TTC16: variants seen among roughly 807,000 people sequenced by gnomAD.
TTC16 encodes the protein tetratricopeptide repeat protein 16.
TTC16 carries 66 observed loss-of-function variants against 80.4 expected under a neutral mutation model. That is an observed-to-expected ratio of 0.82 (90% CI 0.67 to 1.01). The LOEUF (loss-of-function observed/expected upper bound fraction) is 1.01, where lower values mean the gene tolerates loss of function less well. Ranked by LOEUF, TTC16 falls within the 50% of genes least tolerant of loss-of-function variation. TTC16 has a pLI of 0.00. For missense variants in TTC16, 1,070 were observed against 1,103.2 expected (o/e 0.97, Z 0.43); for synonymous variants, 438 against 451.3 (o/e 0.97, Z 0.37).
intron 7 of TTC16, 146 bp from the exon 8 acceptor site, chr9:127,723,974 A>T: frequency 8.4e-7 from 1 of 1,187,734 alleles, no homozygotes; most frequent in Non-Finnish European, 1.1e-6. Context: ...CCCACGGGAC[A>T]AACCTAGCAA....
At chr9:127,716,332 C>G (rs1343844923) in intron 1 of TTC16, 169 bp downstream of exon 1, 2 of 1,008,822 alleles carry the variant, frequency 2.0e-6, no homozygotes, top group African/African-American at 3.2e-5. Flanking sequence ...CCTTGTAAGG[C>G]TCGGCGGCTG....
At chr9:127,724,939 AGGGCAGGGC>A in intron 9 of TTC16, 42 bp downstream of exon 9, 3 of 1,450,866 alleles carry the variant, frequency 2.1e-6, no homozygotes, top group Non-Finnish European at 2.7e-6. Context: ...GGCAGGCCCG[AGGGCAGGGC>A]GGGCAGGAGG....
intron 13 of TTC16, 74 bp from the exon 14 acceptor site, chr9:127,730,562 G>A (rs1213892829): frequency 1.1e-4 from 163 of 1,545,680 alleles, no homozygotes; most frequent in Non-Finnish European, 1.3e-4. Context: ...GTGAGATTGG[G>A]AAGCCCCTTT....
In TTC16 at chr9:127,731,215, C is replaced by T; in HGVS notation, c.2432C>T (p.Ser811Leu). 1 of 1,612,758 alleles carries T rather than the reference C, an allele frequency of 6.2e-7. No individual in the cohort carries two copies. Among genetic ancestry groups the T allele is most frequent in the Non-Finnish European group, 8.5e-7 (1 of 1,179,838 alleles). The change falls in exon 14 of 14, where the codon TCA (serine) becomes TTA (leucine). Residue 811 changes from serine to leucine, a missense_variant. Coordinates refer to ENST00000373289, the MANE Select transcript of TTC16 (RefSeq NM_144965.3). Reference sequence around the variant, plus strand: ...ACCAAGACTGAGGCTTTCTATGACTCAAACTGGAGCCTCAGCAAAACTGAG... The same window carrying T: ...ACCAAGACTGAGGCTTTCTATGACTTAAACTGGAGCCTCAGCAAAACTGAG... Reference protein sequence around the residue: ...SSTKTEAFYDSNWSLSKTEYA... With the variant: ...SSTKTEAFYDLNWSLSKTEYA...
chr9:127,727,611 T>A, intron 12 of TTC16, 146 bp downstream of exon 12: 1 of 1,408,656 alleles, frequency 7.1e-7, no homozygotes, highest in Non-Finnish European at 9.3e-7. Context: ...GCTGGGGACA[T>A]CTTGCTATGA....
rs773255755 is a variant in TTC16 at position 127,724,180 on chromosome 9, G to C, written c.933G>C (p.Val311=). 5.0e-6 allele frequency: 8 copies of C among 1,613,184 alleles called. No individual in the cohort carries two copies. In the African/African-American group the frequency reaches 1.1e-4, roughly 22 times the overall value. The stretch of plus-strand genomic sequence containing the variant: ...GGGCAGTGGAGGACTTCCTGAAGGT[G>C]CTGGACATGGTGACCGAGGACCAGG... ...FDGAVEDFLK[V]LDMVTEDQED... Residue 311 remains valine (V), a synonymous_variant, in exon 8 of 14, where the codon GTG becomes GTC. Transcript: ENST00000373289.
rs750287049 is a variant in TTC16, at chr9:127,729,596, C to T, written c.1780C>T (p.Leu594Phe). The change falls in exon 13 of 14, where the codon CTC becomes TTC. Residue 594 changes from leucine (L) to phenylalanine (F), a missense_variant. Transcript: ENST00000373289. ...CTTGCCATAGGAGAAAAAATCAGAG[C>T]TCATACCTAGCAAGGTGGCGTCCCT... Reference protein sequence around the residue: ...KEKKEEKKSELIPSKVASLSD... With the variant: ...KEKKEEKKSEFIPSKVASLSD... 1.2e-6 allele frequency: 2 copies of T among 1,613,742 alleles called. No individual in the cohort carries two copies. Among genetic ancestry groups the T allele is most frequent in the African/African-American group, 1.3e-5 (1 of 74,940 alleles).
rs766141449 is a variant in TTC16, at chr9:127,724,725, GGGTC to G, written c.1118-30_1118-27del. The G allele has an allele frequency of 1.8e-5, 28 of 1,597,630 alleles. No individual in the cohort carries two copies. In the South Asian group the frequency reaches 3.1e-4, roughly 18 times the overall value. The stretch of plus-strand genomic sequence containing the variant: ...GGGGCTCCCGGGCACTGGGAGTTGG[GGGTC>G]CACTCACCCCCGCCTCCGGACCCTA... On this transcript the variant is annotated intron_variant, in intron 8 of 13. Coordinates refer to ENST00000373289, the MANE Select transcript of TTC16 (RefSeq NM_144965.3).
rs1844361342 is a variant in TTC16 at position 127,730,876 on chromosome 9, C to G, written c.2093C>G (p.Thr698Ser). Reference protein sequence around the residue: ...TQSQRRNSSKTKATIHKRNSS... With the variant: ...TQSQRRNSSKSKATIHKRNSS... ...AGCCAGAGGCGGAACTCCAGCAAGA[C>G]CAAGGCCACTATACACAAGAGGAAC... Residue 698 changes from threonine (T) to serine (S), a missense_variant, in exon 14 of 14, where the codon ACC (threonine) becomes AGC (serine). Transcript: ENST00000373289. 6.2e-7 allele frequency: 1 copy of G among 1,611,694 alleles called. No individual in the cohort carries two copies. The highest frequency in any genetic ancestry group is 1.4e-5 in the African/African-American group (1 of 74,056).
At chr9:127,725,273 C>G (rs374793967) in intron 9 of TTC16, among the ~76,000 whole-genome samples, 1 of 148,152 alleles carries the variant, frequency 6.7e-6, no homozygotes, top group African/African-American at 2.5e-5. Context: ...GACTCTGTCC[C>G]AAAAAAAAAG....
intron 2 of TTC16, 150 bp from the exon 3 acceptor site, chr9:127,717,184 G>A: frequency 2.5e-6 from 3 of 1,196,948 alleles, no homozygotes; most frequent in Non-Finnish European, 3.6e-6. Context: ...TGGACTCCAG[G>A]AACACCAGCC....
intron 8 of TTC16, 57 bp downstream of exon 8, chr9:127,724,421 A>G (rs761181301): frequency 1.3e-6 from 2 of 1,596,340 alleles, no homozygotes; most frequent in Non-Finnish European, 1.7e-6. Context: ...CGCCATCTCT[A>G]AGGCCCCCAC....
intron 2 of TTC16, 128 bp downstream of exon 2, chr9:127,717,144 C>A: frequency 7.4e-7 from 1 of 1,345,918 alleles, no homozygotes; most frequent in Non-Finnish European, 1.0e-6. Flanking sequence ...GGCTCTTCCA[C>A]CTCAGTGGGA....
chr9:127,727,651 CT>C, intron 12 of TTC16, 186 bp downstream of exon 12: 2 of 1,272,040 alleles, frequency 1.6e-6, no homozygotes, highest in Non-Finnish European at 2.1e-6. Context: ...AGGGGTGCTC[CT>C]GACGGAGGGT....
intron 10 of TTC16, among the ~76,000 whole-genome samples, chr9:127,726,617 A>G (rs1159974634): frequency 6.6e-6 from 1 of 151,982 alleles, no homozygotes; most frequent in Non-Finnish European, 1.5e-5. Flanking sequence ...GTGAAACCCC[A>G]TCTCTACTAA....
chr9:127,722,883 G>A lies in TTC16; in HGVS notation c.658-236G>A, dbSNP rs571072404. 2.0e-5 allele frequency among the ~76,000 whole-genome samples: 3 copies of A among 151,692 alleles called. No homozygotes were observed. The highest frequency in any genetic ancestry group is 2.9e-5 in the Non-Finnish European group (2 of 67,956). ...CTCAGGAGGCTGAGGTGGAAGAATC[G>A]CTTGAACCCGGGAGGCAGAGGTTGC... On this transcript the variant is annotated intron_variant, in intron 6 of 13. Coordinates refer to ENST00000373289, the MANE Select transcript of TTC16 (RefSeq NM_144965.3). The surrounding 1 kb of genome is among the most constrained non-coding windows in gnomAD (Gnocchi z 4.2).
At chr9:127,721,853 C>A (rs1021782617) in intron 6 of TTC16, among the ~76,000 whole-genome samples, 2 of 152,070 alleles carry the variant, frequency 1.3e-5, no homozygotes, top group African/African-American at 4.8e-5. Flanking sequence ...CAGGCGCCTG[C>A]CCAGCTAATT....
chr9:127,720,412 G>T lies in TTC16; in HGVS notation c.657+17G>T, dbSNP rs756907815. ...CTCCAGAAGGTACAGTGGGGAGGGC[G>T]GGCAGGGGCATGCCCCCCAACCTGG... On this transcript the variant is annotated intron_variant, in intron 6 of 13. Coordinates refer to ENST00000373289, the MANE Select transcript of TTC16 (RefSeq NM_144965.3). The T allele has an allele frequency of 1.9e-6, 3 of 1,608,676 alleles. No individual in the cohort carries two copies. Among genetic ancestry groups the T allele is most frequent in the South Asian group, 2.2e-5 (2 of 90,944 alleles).
At chr9:127,727,221 C>T in intron 11 of TTC16, 49 bp from the exon 12 acceptor site, 2 of 1,529,972 alleles carry the variant, frequency 1.3e-6, no homozygotes, top group Non-Finnish European at 1.8e-6. Flanking sequence ...TTGGAGAGAC[C>T]AGCATGGGCC....
Sources: allele counts gnomAD v4.1 joint callset (sites outside exome capture counted in the v4.1 genomes callset), GRCh38; gene constraint gnomAD v4.1.1; non-coding constraint Gnocchi (gnomAD v3.1); transcripts MANE v1.5; gene names NCBI Gene and HGNC (gene_info 2026-07-23, HGNC 2026-07-21).